The following TDRD12 variants were observed in gnomAD, a reference collection of about 807,000 sequenced individuals.
TDRD12 encodes the protein tudor domain containing 12.
In TDRD12, 158 loss-of-function variants were observed where a neutral mutation model predicts 133.5. The ratio of observed to expected loss-of-function variants is 1.18; its 90% CI spans 1.04 to 1.35. TDRD12 has a LOEUF of 1.35. Among genes scored for constraint, TDRD12 ranks in the 40% most tolerant of loss-of-function variants. The pLI, the probability that TDRD12 is intolerant of heterozygous loss-of-function variation, is 0.00. For missense variants in TDRD12, 1,443 were observed against 1,321.3 expected (o/e 1.09, Z -1.43); for synonymous variants, 460 against 477.9 (o/e 0.96, Z 0.49).
chr19:32,815,095 A>G (rs1251766263), intron 25 of TDRD12, among the ~76,000 whole-genome samples: 1 of 152,104 alleles, frequency 6.6e-6, no homozygotes, highest in South Asian at 2.1e-4. Flanking sequence ...TCAGGAGGTA[A>G]AAGTAGTTGA....
intron 14 of TDRD12, among the ~76,000 whole-genome samples, chr19:32,795,221 T>C (rs1971189511): frequency 6.6e-6 from 1 of 151,224 alleles, no homozygotes; most frequent in Admixed American, 6.6e-5. Flanking sequence ...TAATCCCAGC[T>C]ACTTGGGAGG....
exon 8 of TDRD12, chr19:32,757,047 G>A: frequency 1.3e-6 from 2 of 1,551,464 alleles, no homozygotes; most frequent in South Asian, 1.2e-5. Context: ...GATTCACATG[G>A]TGTAAATTTT....
chr19:32,745,932 T>C (rs1418148397), intron 4 of TDRD12, among the ~76,000 whole-genome samples: 24 of 145,986 alleles, frequency 1.6e-4, no homozygotes, highest in African/African-American at 6.3e-4. Flanking sequence ...CTGATGTGGT[T>C]ATTCTGTGTG....
At chr19:32,720,051 T>C (rs1032589316) in exon 1 of TDRD12, 7 of 1,547,948 alleles carry the variant, frequency 4.5e-6, no homozygotes, top group Non-Finnish European at 5.2e-6. Flanking sequence ...AGGGGGCCCA[T>C]CTGCCCTCGG....
chr19:32,811,600 G>GT (rs1967009273), intron 24 of TDRD12, among the ~76,000 whole-genome samples, 180 bp downstream of exon 24: 5 of 151,506 alleles, frequency 3.3e-5, no homozygotes, highest in African/African-American at 1.2e-4. Flanking sequence ...GTACCAGGCA[G>GT]CTGCAACACT....
At chr19:32,804,509 T>C (rs1439543314) in intron 21 of TDRD12, among the ~76,000 whole-genome samples, 1 of 149,168 alleles carries the variant, frequency 6.7e-6, no homozygotes, top group Non-Finnish European at 1.5e-5. Flanking sequence ...CTGGCCAACA[T>C]GGTGAAACCC....
In TDRD12 at chr19:32,827,132, C is replaced by T. The variant is rs867648521; in HGVS notation, c.1050-32C>T. 31 of 1,146,764 alleles carry T rather than the reference C, an allele frequency of 2.7e-5. No homozygotes were observed. The Admixed American group carries it at 3.0e-4, about 11-fold the overall frequency. 71.0% of individuals were successfully genotyped at this position (1,146,764 alleles called of 1,614,324 possible). ...AAATAAAGATTTGCTGATTAGTCTA[C>T]ACTTATTTGTTATAATATCTTACTC... On this transcript the variant is annotated intron_variant, in intron 9 of 9. Transcript: ENST00000637289.
chr19:32,737,591 G>A (rs1228216667), intron 2 of TDRD12, among the ~76,000 whole-genome samples: 2 of 151,966 alleles, frequency 1.3e-5, no homozygotes, highest in Non-Finnish European at 2.9e-5. Flanking sequence ...GTGCAGTGGT[G>A]CAATCATAGC....
chr19:32,745,999 TGAGA>T (rs71176150), intron 4 of TDRD12, among the ~76,000 whole-genome samples: 1 of 115,410 alleles, frequency 8.7e-6, no homozygotes, highest in African/African-American at 3.8e-5. Context: ...TGTGTGTGTG[TGAGA>T]GAGAGAAGGA....
chr19:32,798,969 T>A (rs1040377486), intron 16 of TDRD12, among the ~76,000 whole-genome samples: 18 of 152,258 alleles, frequency 1.2e-4, no homozygotes, highest in Admixed American at 1.1e-3. Context: ...TATTCAGTTC[T>A]TTGGACATCA....
chr19:32,756,961 T>TAATGTACTAA lies in TDRD12; in HGVS notation c.773-76_773-67dup, dbSNP rs746838299. 1,401 of 1,241,658 alleles carry TAATGTACTAA rather than the reference T, an allele frequency of 1.1e-3. 4 individuals carry two copies. Among genetic ancestry groups the TAATGTACTAA allele is most frequent in the Non-Finnish European group, 1.0e-3 (892 of 866,416 alleles). 76.9% of individuals were successfully genotyped at this position (1,241,658 alleles called of 1,614,324 possible). ...CTCAGAGCAAAAGCAAGAGCAGAAG[T>TAATGTACTAA]AATGTACTAACGAGTTCACATTTTT... On this transcript the variant is annotated intron_variant, in intron 7 of 27. Coordinates refer to ENST00000444215, the Ensembl canonical transcript of TDRD12.
chr19:32,794,858 T>C (rs1449643985), intron 14 of TDRD12, 45 bp downstream of exon 14: 2 of 685,826 alleles, frequency 2.9e-6, no homozygotes, highest in Middle Eastern at 2.4e-4. Flanking sequence ...GGGTTAAATA[T>C]TTATTTTAAA....
Position 32,722,826 on chromosome 19 carries a change from C to T in TDRD12, c.24+2730C>T, listed in dbSNP as rs59437628. 5.3e-3 allele frequency among the ~76,000 whole-genome samples: 801 copies of T among 151,804 alleles called. 8 individuals are homozygous for T. Among genetic ancestry groups the T allele is most frequent in the African/African-American group, 0.018 (762 of 41,388 alleles). On this transcript the variant is annotated intron_variant, in intron 1 of 27. Transcript: ENST00000444215. ...TCCTGAGTAGCTGGGATTACAGGCG[C>T]GTGCCACCACAGCCGGCTAATTTTT...
intron 14 of TDRD12, among the ~76,000 whole-genome samples, chr19:32,797,012 GCT>G: frequency 6.9e-6 from 1 of 145,920 alleles, no homozygotes; most frequent in South Asian, 2.2e-4. Flanking sequence ...ATGGAGTCTC[GCT>G]CTGTCACCCA....
At chr19:32,793,244 C>G (rs145913964) in intron 13 of TDRD12, among the ~76,000 whole-genome samples, 1,752 of 152,024 alleles carry the variant, frequency 0.012, 42 homozygotes, top group African/African-American at 0.04. Flanking sequence ...ACCAGAGGTC[C>G]TTACTCAAAC....
chr19:32,826,504 A>G, exon 9 of TDRD12: 1 of 1,253,830 alleles, frequency 8.0e-7, no homozygotes, highest in Non-Finnish European at 1.0e-6. Context: ...AACATAAGGA[A>G]AGATGACTGC....
chr19:32,815,418 G>A (rs1967144494), intron 25 of TDRD12, 30 bp from the exon 26 acceptor site: 1 of 1,511,182 alleles, frequency 6.6e-7, no homozygotes, highest in South Asian at 1.2e-5. Context: ...AGTGATTACT[G>A]CTAATGTTCA....
chr19:32,739,050 G>A (rs2145463103), intron 3 of TDRD12, 58 bp downstream of exon 3: 2 of 1,539,944 alleles, frequency 1.3e-6, no homozygotes, highest in African/African-American at 2.7e-5. Context: ...CAGTTTCAAA[G>A]GAGAACGTCC....
At chr19:32,742,723 C>T (rs950196570) in intron 3 of TDRD12, 58 bp from the exon 4 acceptor site, 8 of 1,475,600 alleles carry the variant, frequency 5.4e-6, no homozygotes, top group Middle Eastern at 1.8e-4. Context: ...TATACTTTAA[C>T]GGAGTATGTT....
Sources: allele counts gnomAD v4.1 joint callset (sites outside exome capture counted in the v4.1 genomes callset), GRCh38; gene constraint gnomAD v4.1.1; transcripts MANE v1.5; gene names NCBI Gene and HGNC (gene_info 2026-07-23, HGNC 2026-07-21).